Variants in COMMD5 observed in about 807,000 individuals in gnomAD.
COMMD5 encodes COMM domain containing 5.
COMMD5 carries 10 observed loss-of-function variants against 6.9 expected under a neutral mutation model. That is an observed-to-expected ratio of 1.44 (90% confidence interval 0.89 to 2.45). The LOEUF is 2.45. Among genes scored for constraint, COMMD5 ranks in the 30% most tolerant of loss-of-function variants. The pLI is 0.00. For missense variants in COMMD5, 234 were observed against 287.8 expected, an observed-to-expected ratio of 0.81 and a Z score of 1.35; for synonymous variants, 127 against 125.3, an observed-to-expected ratio of 1.01 and a Z score of -0.09.
chr8:144,838,879 TTGCAGTGAGCC>T (rs1432999913), downstream of COMMD5: 3 of 36,336 alleles, frequency 8.3e-5, no homozygotes, highest in Admixed American at 3.5e-4. Context: ...GAGGCAGAGC[TTGCAGTGAGCC>T]GAGATTGCGC....
At chr8:144,842,470 C>T (rs199878786) in intron 1 of COMMD5, 51 of 1,614,024 alleles carry the variant, frequency 3.2e-5, no homozygotes, top group Non-Finnish European at 3.7e-5. Context: ...TTGTAGTTCA[C>T]GGCTTATTCG....
chr8:144,848,343 C>A (rs1830603568), downstream of COMMD5, among the ~76,000 whole-genome samples: 1 of 151,828 alleles, frequency 6.6e-6, no homozygotes, highest in Non-Finnish European at 1.5e-5. Flanking sequence ...AAAAAAATAT[C>A]ATTGGAGGCC....
At chr8:144,839,455 C>T (rs1829566282), downstream of COMMD5, among the ~76,000 whole-genome samples, 4 of 152,246 alleles carry the variant, frequency 2.6e-5, no homozygotes, top group African/African-American at 7.2e-5. Context: ...AACCCAGCCG[C>T]CCATTAAAAT....
At chr8:144,840,206 A>G (rs994306871), downstream of COMMD5, among the ~76,000 whole-genome samples, 3 of 152,230 alleles carry the variant, frequency 2.0e-5, no homozygotes, top group African/African-American at 4.8e-5. Flanking sequence ...CAGGGAAAGC[A>G]GCACATGAGG....
intron 1 of COMMD5, among the ~76,000 whole-genome samples, chr8:144,844,978 G>T (rs1463925607): frequency 6.6e-6 from 1 of 152,180 alleles, no homozygotes; most frequent in Non-Finnish European, 1.5e-5. Flanking sequence ...GAGCTGCAGT[G>T]GGGGTAGACC....
At chr8:144,846,828 AGCTGGGACTACAGGTGCCT>A (rs1227118731), downstream of COMMD5, 1 of 152,184 alleles carries the variant, frequency 6.6e-6, no homozygotes, top group Admixed American at 6.5e-5. Flanking sequence ...CCTCCCGAGT[AGCTGGGACTACAGGTGCCT>A]GCTACCACGC....
downstream of COMMD5, among the ~76,000 whole-genome samples, chr8:144,848,304 A>C (rs944084833): frequency 1.4e-5 from 2 of 143,694 alleles, no homozygotes; most frequent in Admixed American, 7.7e-5. Flanking sequence ...ACCTTGTCTC[A>C]AAAAAAAAGG....
chr8:144,842,205 G>T (rs1464148085), intron 1 of COMMD5: 2 of 1,614,064 alleles, frequency 1.2e-6, no homozygotes, highest in South Asian at 2.2e-5. Flanking sequence ...CTTGCAAGGA[G>T]TGTGGGAAGG....
chr8:144,841,828 A>G, intron 1 of COMMD5: 1 of 1,614,226 alleles, frequency 6.2e-7, no homozygotes, highest in South Asian at 1.1e-5. Flanking sequence ...GGGGAAACAT[A>G]CAAATAACTG....
upstream of COMMD5, chr8:144,853,410 G>T (rs1006507667): frequency 6.6e-6 from 1 of 152,240 alleles, no homozygotes; most frequent in Non-Finnish European, 1.5e-5. Flanking sequence ...TCGGCGTCCG[G>T]GTGGGCGGCG....
At chr8:144,844,709 CAAAAAAAA>C (rs71320849) in intron 1 of COMMD5, among the ~76,000 whole-genome samples, 8 of 88,614 alleles carry the variant, frequency 9.0e-5, no homozygotes, top group East Asian at 3.5e-4. Context: ...GACTCTGTAT[CAAAAAAAA>C]AAAAAAAAAA....
At chr8:144,842,304 C>A (rs963357397) in intron 1 of COMMD5, 2 of 1,613,886 alleles carry the variant, frequency 1.2e-6, no homozygotes, top group African/African-American at 2.7e-5. Flanking sequence ...ACAGTCCAAG[C>A]CTTGTTGCAC....
At position 144,851,406 on chromosome 8, in the gene COMMD5, G is replaced by A; in HGVS notation, c.-57-11C>T. On this transcript the variant is annotated splice_polypyrimidine_tract_variant and intron_variant, in intron 1 of 1. Transcript: ENST00000305103. ...CCCAGATGCAGATGCCTAGAGTGGG[G>A]TGGAGGAGAGAAGACCAGTGACTCT... is the stretch of plus-strand genomic sequence containing the variant. The A allele has an allele frequency of 6.6e-7, 1 of 1,523,508 alleles. No individual in the cohort carries two copies. The highest frequency in any genetic ancestry group is 1.2e-5 in the South Asian group (1 of 80,408). The allele number at this position is 1,523,508 out of a possible 1,614,324, so 94.4% of individuals were successfully genotyped here.
downstream of COMMD5, chr8:144,847,510 GC>G (rs1188412161): frequency 1.3e-5 from 2 of 152,156 alleles, no homozygotes; most frequent in Non-Finnish European, 2.9e-5. Flanking sequence ...TATAACCTAG[GC>G]CTGGAATTGC....
rs374481400 is a variant in COMMD5 at position 144,842,597 on chromosome 8, A to G, written c.*117-854T>C. 2.7e-5 allele frequency: 44 copies of G among 1,614,100 alleles called. No homozygotes were observed. Among genetic ancestry groups the G allele is most frequent in the Non-Finnish European group, 3.4e-5 (40 of 1,180,056 alleles). ...CGAATCCACACTGGAGAGAAACCCT[A>G]TGTGTGTAATGACTGTGGAAAAGCC... On this transcript the variant is annotated intron_variant and NMD_transcript_variant, in intron 1 of 1. Coordinates refer to the COMMD5 transcript ENST00000530332.
At chr8:144,844,709 CAAAAAAAAAAAAAA>C (rs71320849) in intron 1 of COMMD5, among the ~76,000 whole-genome samples, 2 of 88,618 alleles carry the variant, frequency 2.3e-5, no homozygotes, top group African/African-American at 8.4e-5. Context: ...GACTCTGTAT[CAAAAAAAAAAAAAA>C]AAAAAAAAAA....
downstream of COMMD5, chr8:144,846,330 C>A (rs900524221): frequency 1.4e-6 from 1 of 708,784 alleles, no homozygotes; most frequent in Non-Finnish European, 2.2e-6. Flanking sequence ...GCAAACCATT[C>A]GTAGCTTTTT....
intron 1 of COMMD5, chr8:144,842,958 A>G (rs772935138): frequency 1.2e-6 from 2 of 1,614,234 alleles, no homozygotes; most frequent in South Asian, 2.2e-5. Context: ...ATGCCCTGGA[A>G]GGGTCCACCT....
rs776226095 is a variant in COMMD5, at chr8:144,850,948, A to G, written c.391T>C (p.Phe131Leu). 1.2e-6 allele frequency: 2 copies of G among 1,609,062 alleles called. No homozygotes were observed. The highest frequency in any genetic ancestry group is 4.5e-5 in the East Asian group (2 of 44,712). ...TCAAGGAGGGGCCGCTGGCTCCCAA[A>G]TACCACGCTGGCCAAGTCCCCGACC... is the stretch of plus-strand genomic sequence containing the variant. ...DLVGDLASVV[F>L]GSQRPLLDSV... The change falls in exon 2 of 2, where the codon TTT (phenylalanine) becomes CTT (leucine). Residue 131 changes from phenylalanine (F) to leucine (L), a missense_variant. Phe to Leu is a conservative substitution (Grantham distance 22). Coordinates refer to ENST00000305103, the MANE Select transcript of COMMD5 (RefSeq NM_014066.4). This position sits in a 1 kb window ranked among gnomAD's most constrained non-coding sequence, Gnocchi z 4.0.
Sources: gnomAD v4.1 joint callset for allele counts (sites outside exome capture counted in the v4.1 genomes callset) on GRCh38, gnomAD v4.1.1 for gene constraint, Gnocchi (gnomAD v3.1) non-coding constraint, MANE v1.5 for transcripts, NCBI Gene and HGNC (gene_info 2026-07-23, HGNC 2026-07-21) for gene names.